Variants in GALNT13 observed in about 807,000 individuals in gnomAD.
GALNT13 encodes the protein UDP-GalNAc:polypeptide N-acetylgalactosaminyltransferase 13.
Under a neutral mutation model 64.2 loss-of-function variants are expected in GALNT13, and 28 were observed. The ratio of observed to expected loss-of-function variants is 0.44; its 90% CI spans 0.32 to 0.60. The LOEUF (loss-of-function observed/expected upper bound fraction) is 0.60. Ranked by LOEUF, GALNT13 falls within the 20% of genes least tolerant of loss-of-function variation. The pLI is 0.05. For missense variants in GALNT13, 577 were observed against 669.8 expected, an observed-to-expected ratio of 0.86 and a Z score of 1.53; for synonymous variants, 214 against 224.6, an observed-to-expected ratio of 0.95 and a Z score of 0.42.
the GALNT13 span, among the ~76,000 whole-genome samples, chr2:153,547,308 A>T: frequency 6.6e-6 from 1 of 152,210 alleles, no homozygotes; most frequent in Non-Finnish European, 1.5e-5. Flanking sequence ...AGGTTGTACT[A>T]TGTCGAAATA....
rs182260176 is a variant in GALNT13 at position 154,273,776 on chromosome 2, G to A, written c.975+14638G>A. 9.9e-5 allele frequency among the ~76,000 whole-genome samples: 15 copies of A among 152,192 alleles called. No homozygotes were observed. In the East Asian group the frequency reaches 2.9e-3, roughly 29 times the overall value. On this transcript the variant is annotated intron_variant, in intron 8 of 12. Coordinates refer to ENST00000392825, the MANE Select transcript of GALNT13 (RefSeq NM_052917.4). ...CATGATAATGAAATCACCTAATGGT[G>A]CATTCCTCAAACTGTATCCCAGTCT...
At chr2:153,974,689 T>C (rs1371064510) in intron 3 of GALNT13, among the ~76,000 whole-genome samples, 1 of 152,044 alleles carries the variant, frequency 6.6e-6, no homozygotes, top group East Asian at 1.9e-4. Flanking sequence ...AGAGGAAGGA[T>C]GGAAATCAGT....
the GALNT13 span, among the ~76,000 whole-genome samples, chr2:153,684,173 G>C: frequency 1.3e-5 from 2 of 151,686 alleles, no homozygotes; most frequent in East Asian, 3.9e-4. Context: ...ATTATAGTTT[G>C]ATGTGAATAA....
At chr2:153,554,050 A>T in the GALNT13 span, among the ~76,000 whole-genome samples, 1 of 152,022 alleles carries the variant, frequency 6.6e-6, no homozygotes, top group African/African-American at 2.4e-5. Context: ...TGTATATTGT[A>T]AGAACAAGTT....
chr2:154,049,330 A>T (rs3108891), intron 3 of GALNT13, among the ~76,000 whole-genome samples: 1 of 148,524 alleles, frequency 6.7e-6, no homozygotes, highest in South Asian at 2.1e-4. Context: ...CTGTTTTATA[A>T]TTATATGTGT....
the GALNT13 span, among the ~76,000 whole-genome samples, chr2:153,783,516 C>A: frequency 1.0e-3 from 154 of 152,104 alleles, 2 homozygotes; most frequent in African/African-American, 3.5e-3. Flanking sequence ...TCAATGGTAC[C>A]ATATTTCTTT....
chr2:153,738,670 T>C, the GALNT13 span, among the ~76,000 whole-genome samples: 1 of 151,874 alleles, frequency 6.6e-6, no homozygotes, highest in Non-Finnish European at 1.5e-5. Flanking sequence ...CTTCCTTCTT[T>C]CTGTGGTTGA....
At chr2:153,316,720 A>G in the GALNT13 span, among the ~76,000 whole-genome samples, 1 of 152,026 alleles carries the variant, frequency 6.6e-6, no homozygotes, top group Non-Finnish European at 1.5e-5. Flanking sequence ...AACAATCCAA[A>G]TACCAAATAC....
At chr2:153,350,017 T>A in the GALNT13 span, among the ~76,000 whole-genome samples, 1 of 152,198 alleles carries the variant, frequency 6.6e-6, no homozygotes, top group Non-Finnish European at 1.5e-5. Flanking sequence ...TTCTGTACTG[T>A]TGAACTGACC....
chr2:153,473,992 G>T, the GALNT13 span, among the ~76,000 whole-genome samples: 3 of 152,194 alleles, frequency 2.0e-5, no homozygotes, highest in South Asian at 6.2e-4. Flanking sequence ...AATTTAAGGT[G>T]CTGGTGAGAT....
rs1209843492 is a variant in GALNT13 at position 154,236,101 on chromosome 2, A to G, written c.312-5929A>G. The G allele has an allele frequency of 5.1e-6, 6 of 1,167,646 alleles. No individual in the cohort carries two copies. The African/African-American group carries it at 9.6e-5, about 19-fold the overall frequency. The allele number at this position is 1,167,646 out of a possible 1,614,324, so 72.3% of individuals were successfully genotyped here. Reference sequence around the variant, plus strand: ...CATCCAGATGACAGAAGAGATTGTAAAAGAAGTGGAGAAGACTTTCTGACT... The same window carrying G: ...CATCCAGATGACAGAAGAGATTGTAGAAGAAGTGGAGAAGACTTTCTGACT... On this transcript the variant is annotated intron_variant, in intron 4 of 12. Transcript: ENST00000392825.
upstream of GALNT13, among the ~76,000 whole-genome samples, chr2:153,870,667 A>G (rs62174123): frequency 0.1 from 15,876 of 151,438 alleles, 1,063 homozygotes; most frequent in African/African-American, 0.17. Context: ...TACTTGACTC[A>G]CGAAAAGATA....
chr2:153,261,360 G>A, the GALNT13 span, among the ~76,000 whole-genome samples: 1 of 152,116 alleles, frequency 6.6e-6, no homozygotes, highest in Non-Finnish European at 1.5e-5. Context: ...GGACATTCCA[G>A]GTATTTGGAG....
At chr2:153,346,133 C>T in the GALNT13 span, among the ~76,000 whole-genome samples, 10 of 152,100 alleles carry the variant, frequency 6.6e-5, no homozygotes, top group Admixed American at 3.3e-4. Context: ...CCATGTTGCC[C>T]AGCTTGGTCT....
chr2:154,286,819 C>T, intron 8 of GALNT13: 3 of 332,130 alleles, frequency 9.0e-6, no homozygotes, highest in South Asian at 2.7e-5. Context: ...ATGTAATGTG[C>T]CAGTCATCAC....
chr2:153,749,997 C>T, the GALNT13 span, among the ~76,000 whole-genome samples: 1 of 151,498 alleles, frequency 6.6e-6, no homozygotes, highest in Non-Finnish European at 1.5e-5. Context: ...GAGGTATGTT[C>T]CTTCTATCTT....
chr2:153,790,134 G>T, the GALNT13 span, among the ~76,000 whole-genome samples: 1 of 152,054 alleles, frequency 6.6e-6, no homozygotes, highest in Admixed American at 6.6e-5. Context: ...AAACAAAAAA[G>T]AAAACTTCAG....
chr2:154,380,136 T>G (rs934759131), intron 9 of GALNT13, among the ~76,000 whole-genome samples: 3 of 152,080 alleles, frequency 2.0e-5, no homozygotes, highest in African/African-American at 7.2e-5. Flanking sequence ...CGAGTTAACA[T>G]TCTTTAACTC....
chr2:153,082,616 TATACACACACACACACACACACACACAC>T, the GALNT13 span, among the ~76,000 whole-genome samples: 21 of 26,580 alleles, frequency 7.9e-4, 1 homozygote, highest in African/African-American at 3.0e-3. Context: ...TATATATATA[TATACACACACACACACACACACACACAC>T]ACACACACAC....
Sources: gnomAD v4.1 joint callset for allele counts (sites outside exome capture counted in the v4.1 genomes callset) on GRCh38, gnomAD v4.1.1 for gene constraint, MANE v1.5 for transcripts, NCBI Gene and HGNC (gene_info 2026-07-23, HGNC 2026-07-21) for gene names.